SNX32: variants seen among roughly 807,000 people sequenced by gnomAD.
SNX32 encodes the protein sorting nexin-32.
Under a neutral mutation model 57.0 loss-of-function variants are expected in SNX32, and 58 were observed. That is an observed-to-expected ratio of 1.02 (90% confidence interval 0.82 to 1.27). The LOEUF (loss-of-function observed/expected upper bound fraction) is 1.27. Among genes scored for constraint, SNX32 ranks in the 50% most tolerant of loss-of-function variants. SNX32 has a pLI of 0.00. For synonymous variants in SNX32, 262 were observed against 220.4 expected (o/e 1.19, Z -1.67); for missense variants, 589 against 541.2 (o/e 1.09, Z -0.88).
In SNX32 at chr11:65,850,527, CTTT is replaced by C. The variant is rs779752930; in HGVS notation, c.472_474del (p.Phe158del). On this transcript the variant is annotated inframe_deletion, in exon 5 of 13. Coordinates refer to ENST00000308342, the MANE Select transcript of SNX32 (RefSeq NM_152760.3). ...CCACCCTGCGTCGAGACCACAACTT[CTTT>C]GTGTTTTTGGAATATGGACAGGATG... 1.1e-5 allele frequency: 18 copies of C among 1,612,432 alleles called. No homozygotes were observed. Among genetic ancestry groups the C allele is most frequent in the Admixed American group, 1.7e-5 (1 of 59,732 alleles).
rs1205571157 is a variant in SNX32 at position 65,852,723 on chromosome 11, CCCG to C, written c.1010_1012del (p.Ala337del). 1 of 1,602,488 alleles carries C rather than the reference CCCG, an allele frequency of 6.2e-7. No homozygotes were observed. The highest frequency in any genetic ancestry group is 2.2e-5 in the East Asian group (1 of 44,648). On this transcript the variant is annotated inframe_deletion, in exon 11 of 13. Transcript: ENST00000308342. ...GCGCACCAGGAACCGGGAGGTGCGG[CCCG>C]CCGAGAGCCACCAGCAGCTGTGCTG...
intron 1 of SNX32, among the ~76,000 whole-genome samples, chr11:65,835,887 C>G (rs539699571): frequency 6.6e-6 from 1 of 152,096 alleles, no homozygotes; most frequent in African/African-American, 2.4e-5. Context: ...ACAGAATGGT[C>G]TGCTTCAATG....
chr11:65,842,083 A>G (rs563912420), intron 1 of SNX32, among the ~76,000 whole-genome samples: 1 of 152,198 alleles, frequency 6.6e-6, no homozygotes, highest in South Asian at 2.1e-4. Context: ...GAAAAGAAAG[A>G]ATAAAGTTGG....
At chr11:65,835,063 CTG>C (rs1858629050) in intron 1 of SNX32, among the ~76,000 whole-genome samples, 1 of 144,746 alleles carries the variant, frequency 6.9e-6, no homozygotes, top group African/African-American at 2.6e-5. Flanking sequence ...CTATGTGTGT[CTG>C]TGTGTGCGTG....
chr11:65,836,678 T>C (rs1192068943), intron 1 of SNX32, among the ~76,000 whole-genome samples: 5 of 152,112 alleles, frequency 3.3e-5, no homozygotes, highest in African/African-American at 1.2e-4. Flanking sequence ...ATAGACTGGA[T>C]AGAGAAAATG....
At position 65,853,684 on chromosome 11, in the gene SNX32, A is replaced by G. The variant is rs900903390; in HGVS notation, c.*349A>G. The G allele has an allele frequency of 2.9e-5, 9 of 314,304 alleles. No individual in the cohort carries two copies. In the Admixed American group the frequency reaches 4.1e-4, roughly 14 times the overall value. The allele number at this position is 314,304 out of a possible 1,614,324, so 19.5% of individuals were successfully genotyped here. On this transcript the variant is annotated 3_prime_UTR_variant, in exon 13 of 13. Coordinates refer to ENST00000308342, the MANE Select transcript of SNX32 (RefSeq NM_152760.3). ...GGCCTGTTCTCCTTCGCAAATAAAAACCCTGGTTTTGTAGCAAGGAGGCCT... is the reference window on the plus strand; with the variant it reads ...GGCCTGTTCTCCTTCGCAAATAAAAGCCCTGGTTTTGTAGCAAGGAGGCCT...
chr11:65,841,628 G>C (rs1183818867), intron 1 of SNX32, among the ~76,000 whole-genome samples: 1 of 151,998 alleles, frequency 6.6e-6, no homozygotes, highest in Non-Finnish European at 1.5e-5. Flanking sequence ...CAGCTGCTTG[G>C]GGGGCTGAGG....
At chr11:65,851,263 T>G in intron 7 of SNX32, 65 bp from the exon 8 acceptor site, 1 of 1,604,498 alleles carries the variant, frequency 6.2e-7, no homozygotes, top group Non-Finnish European at 8.5e-7. Context: ...TGTTTGTCTG[T>G]GGCCACAAGC....
intron 1 of SNX32, among the ~76,000 whole-genome samples, chr11:65,841,143 C>T (rs1858829707): frequency 6.6e-6 from 1 of 150,596 alleles, no homozygotes; most frequent in African/African-American, 2.4e-5. Context: ...CGGGGTTTTA[C>T]CATGTTGACC....
intron 1 of SNX32, among the ~76,000 whole-genome samples, chr11:65,835,072 CGTGT>C (rs754005312): frequency 2.8e-4 from 39 of 137,908 alleles, no homozygotes; most frequent in Non-Finnish European, 4.9e-4. Context: ...TCTGTGTGTG[CGTGT>C]GTCTGTGTTT....
intron 1 of SNX32, among the ~76,000 whole-genome samples, chr11:65,845,095 C>CA (rs61343514): frequency 1 from 146,645 of 146,646 alleles, 73,322 homozygotes; most frequent in Non-Finnish European, 1. Context: ...GCCAGGAGTT[C>CA]AACCAGCCTG....
At chr11:65,836,016 T>G (rs2134686606) in intron 1 of SNX32, among the ~76,000 whole-genome samples, 1 of 152,246 alleles carries the variant, frequency 6.6e-6, no homozygotes, top group South Asian at 2.1e-4. Flanking sequence ...ACATAAGGGT[T>G]AGCTATTATA....
chr11:65,834,478 G>A (rs930006532), intron 1 of SNX32, among the ~76,000 whole-genome samples: 18 of 148,586 alleles, frequency 1.2e-4, no homozygotes, highest in Admixed American at 4.0e-4. Flanking sequence ...GTGTGTGCAC[G>A]TATGCGTCCA....
chr11:65,846,567 GAA>G (rs199953456), intron 1 of SNX32, among the ~76,000 whole-genome samples: 4 of 118,324 alleles, frequency 3.4e-5, no homozygotes, highest in Admixed American at 8.5e-5. Flanking sequence ...ACTCTGTCTC[GAA>G]AAAAAAAAAA....
chr11:65,843,190 C>T (rs1858895706), intron 1 of SNX32, among the ~76,000 whole-genome samples: 1 of 143,262 alleles, frequency 7.0e-6, no homozygotes, highest in Non-Finnish European at 1.5e-5. Flanking sequence ...CAGTGCACTC[C>T]AGCCTGGGCG....
intron 1 of SNX32, among the ~76,000 whole-genome samples, chr11:65,837,351 C>T (rs1858695843): frequency 1.3e-5 from 2 of 152,172 alleles, no homozygotes; most frequent in South Asian, 4.2e-4. Flanking sequence ...GAAGGGTTGA[C>T]ATAAATGGGT....
chr11:65,839,520 T>C (rs972592313), intron 1 of SNX32, among the ~76,000 whole-genome samples: 6 of 150,114 alleles, frequency 4.0e-5, no homozygotes, highest in South Asian at 2.1e-4. Flanking sequence ...TTTTTTTGTA[T>C]TTTTAGTAGA....
rs560762046 is a variant in SNX32, at chr11:65,852,474, G to A, written c.835G>A (p.Gly279Ser). The A allele has an allele frequency of 4.6e-5, 74 of 1,614,188 alleles. No individual in the cohort carries two copies. In the East Asian group the frequency reaches 1.5e-3, roughly 34 times the overall value. Residue 279 changes from glycine to serine, a missense_variant, in exon 10 of 13, where the codon GGC becomes AGC. Gly to Ser is a moderately conservative substitution (Grantham distance 56, BLOSUM62 0). Transcript: ENST00000308342. ...CACCTTTCTGATGCAGAAGCTGGAG[G>A]GCCGGGTGGCTTCCGATGAGGACCT... ...ELFERLRKLE[G>S]RVASDEDLKL... is the part of the protein sequence containing the mutation.
intron 1 of SNX32, among the ~76,000 whole-genome samples, chr11:65,846,351 C>T (rs1858995115): frequency 6.6e-6 from 1 of 151,324 alleles, no homozygotes; most frequent in Non-Finnish European, 1.5e-5. Context: ...GGGCGGATCA[C>T]CTGAGGTCAG....
Sources: allele counts gnomAD v4.1 joint callset (sites outside exome capture counted in the v4.1 genomes callset), GRCh38; gene constraint gnomAD v4.1.1; transcripts MANE v1.5; gene names NCBI Gene and HGNC (gene_info 2026-07-23, HGNC 2026-07-21).